TMEM117: variants seen among roughly 807,000 people sequenced by gnomAD.
TMEM117 encodes transmembrane protein 117.
In TMEM117, 27 loss-of-function variants were observed where a neutral mutation model predicts 52.4. That is an observed-to-expected ratio of 0.51 (90% CI 0.38 to 0.71). TMEM117 has a LOEUF of 0.71. Among genes scored for constraint, TMEM117 ranks in the 30% least tolerant of loss-of-function variants. TMEM117 has a pLI of 0.00. For missense variants in TMEM117, 556 were observed against 630.5 expected, an observed-to-expected ratio of 0.88 and a Z score of 1.26; for synonymous variants, 215 against 206.3, an observed-to-expected ratio of 1.04 and a Z score of -0.36.
the TMEM117 span, among the ~76,000 whole-genome samples, chr12:43,819,492 C>A: frequency 2.0e-5 from 3 of 152,058 alleles, no homozygotes; most frequent in Non-Finnish European, 4.4e-5. Context: ...TTGAAACAGG[C>A]GGCTGGGCGG....
intron 4 of TMEM117, among the ~76,000 whole-genome samples, chr12:44,200,661 A>G (rs1451884340): frequency 6.6e-6 from 1 of 152,206 alleles, no homozygotes; most frequent in Non-Finnish European, 1.5e-5. Flanking sequence ...AGACTAAGTG[A>G]CATATCTAAC....
chr12:44,196,111 A>G (rs891569172), intron 4 of TMEM117, among the ~76,000 whole-genome samples: 1 of 151,988 alleles, frequency 6.6e-6, no homozygotes, highest in Non-Finnish European at 1.5e-5. Context: ...TAAAAGAAAG[A>G]ATAAGTTGAC....
At chr12:44,263,731 T>C (rs1950346953) in intron 5 of TMEM117, 1 of 152,220 alleles carries the variant, frequency 6.6e-6, no homozygotes, top group African/African-American at 2.4e-5. Flanking sequence ...ATTTGATTGA[T>C]CTGCCATAAT....
chr12:43,907,035 T>C (rs1440743474), intron 2 of TMEM117, among the ~76,000 whole-genome samples: 1 of 152,206 alleles, frequency 6.6e-6, no homozygotes, highest in African/African-American at 2.4e-5. Context: ...GCTCCACCTG[T>C]GGGGGCAGGG....
chr12:43,880,969 G>C (rs535208646), intron 2 of TMEM117, among the ~76,000 whole-genome samples: 4 of 152,288 alleles, frequency 2.6e-5, no homozygotes, highest in East Asian at 3.9e-4. Context: ...TGTTACCTGT[G>C]ATTCAGAAAA....
intron 5 of TMEM117, among the ~76,000 whole-genome samples, chr12:44,264,812 A>AAAT (rs1007865146): frequency 6.6e-6 from 1 of 152,180 alleles, no homozygotes; most frequent in Non-Finnish European, 1.5e-5. Flanking sequence ...AATTGAAAAT[A>AAAT]AATAATAATA....
In TMEM117 at chr12:44,232,655, A is replaced by C. The variant is rs562949397; in HGVS notation, c.608+21268A>C. 9.2e-5 allele frequency among the ~76,000 whole-genome samples: 14 copies of C among 151,570 alleles called. No individual in the cohort carries two copies. In the South Asian group the frequency reaches 2.7e-3, roughly 29 times the overall value. Reference sequence around the variant, plus strand: ...ACAATAAAATTGGAATTTCGACTACAATTTTATTGAGACTATAGATCAATT... The same window carrying C: ...ACAATAAAATTGGAATTTCGACTACCATTTTATTGAGACTATAGATCAATT... On this transcript the variant is annotated intron_variant, in intron 5 of 7. Coordinates refer to ENST00000266534, the MANE Select transcript of TMEM117 (RefSeq NM_032256.3).
At chr12:43,965,112 A>G (rs1225069568) in intron 3 of TMEM117, among the ~76,000 whole-genome samples, 1 of 152,190 alleles carries the variant, frequency 6.6e-6, no homozygotes, top group Admixed American at 6.5e-5. Context: ...TATGCTAGTA[A>G]TGTTACAGTG....
At chr12:44,301,567 A>G (rs1950840426) in intron 6 of TMEM117, among the ~76,000 whole-genome samples, 2 of 152,210 alleles carry the variant, frequency 1.3e-5, no homozygotes, top group Admixed American at 1.3e-4. Flanking sequence ...GGAGGAATGT[A>G]TTGCTGCATT....
chr12:44,249,578 C>T (rs1266075837), intron 5 of TMEM117, among the ~76,000 whole-genome samples: 1 of 152,182 alleles, frequency 6.6e-6, no homozygotes, highest in African/African-American at 2.4e-5. Context: ...ATCACACTAC[C>T]TGGCTTCAAA....
In TMEM117 at chr12:44,355,196, C is replaced by G. The variant is rs137920912; in HGVS notation, c.769-21399C>G. On this transcript the variant is annotated intron_variant, in intron 6 of 7. Coordinates refer to ENST00000266534, the MANE Select transcript of TMEM117 (RefSeq NM_032256.3). ...CTTGTACAAGTTGGCCTTTTCAGCT[C>G]TATATATTTATTTAGAAATATATCT... Among the ~76,000 whole-genome samples, 19 of 152,038 alleles carry G rather than the reference C, an allele frequency of 1.2e-4. 1 individual carries two copies. In the East Asian group the frequency reaches 3.5e-3, roughly 28 times the overall value.
chr12:44,032,466 A>C (rs1021016921), intron 3 of TMEM117, among the ~76,000 whole-genome samples: 2 of 152,210 alleles, frequency 1.3e-5, no homozygotes, highest in Non-Finnish European at 2.9e-5. Context: ...GTAATGTAAA[A>C]ATCTGGATCA....
intron 6 of TMEM117, among the ~76,000 whole-genome samples, chr12:44,364,212 C>T (rs1303835101): frequency 2.6e-5 from 4 of 152,038 alleles, no homozygotes; most frequent in African/African-American, 7.2e-5. Flanking sequence ...TTAGTTTTTA[C>T]GATTGCTTCC....
rs189599308 is a variant in TMEM117, at chr12:43,989,532, T to A, written c.410+45190T>A. Among the ~76,000 whole-genome samples, 45 of 152,268 alleles carry A rather than the reference T, an allele frequency of 3.0e-4. No homozygotes were observed. The East Asian group carries it at 6.7e-3, about 23-fold the overall frequency. Reference sequence around the variant, plus strand: ...CTCTTTTTTCAAAGAATGGTTGATATCTGTGAAAGCAGAGTAACATTTGGA... The same window carrying A: ...CTCTTTTTTCAAAGAATGGTTGATAACTGTGAAAGCAGAGTAACATTTGGA... On this transcript the variant is annotated intron_variant, in intron 3 of 7. Coordinates refer to ENST00000266534, the MANE Select transcript of TMEM117 (RefSeq NM_032256.3).
chr12:44,127,409 G>T (rs918250096), intron 3 of TMEM117, among the ~76,000 whole-genome samples: 4 of 152,074 alleles, frequency 2.6e-5, no homozygotes, highest in African/African-American at 9.7e-5. Flanking sequence ...GGTCACGGTG[G>T]CGCGTGCCTG....
At chr12:44,090,078 T>C (rs540434712) in intron 3 of TMEM117, among the ~76,000 whole-genome samples, 1 of 152,318 alleles carries the variant, frequency 6.6e-6, no homozygotes, top group South Asian at 2.1e-4. Context: ...AAGACAACCA[T>C]AGCATTTTTT....
At chr12:43,867,927 T>C (rs759108431) in intron 2 of TMEM117, among the ~76,000 whole-genome samples, 8 of 152,204 alleles carry the variant, frequency 5.3e-5, no homozygotes, top group Non-Finnish European at 1.2e-4. Context: ...TGAGATCTGA[T>C]GTTCACAGAA....
intron 2 of TMEM117, among the ~76,000 whole-genome samples, chr12:43,898,775 A>C (rs932410597): frequency 1.3e-5 from 2 of 152,104 alleles, no homozygotes; most frequent in African/African-American, 4.8e-5. Flanking sequence ...TTGAAATTCA[A>C]CTCCTGAACT....
intron 5 of TMEM117, among the ~76,000 whole-genome samples, chr12:44,229,502 T>C (rs1592624606): frequency 6.6e-6 from 1 of 152,068 alleles, no homozygotes; most frequent in Admixed American, 6.6e-5. Context: ...TCCAGGTAAA[T>C]GTACCATGCT....
Sources: gnomAD v4.1 joint callset for allele counts (sites outside exome capture counted in the v4.1 genomes callset) on GRCh38, gnomAD v4.1.1 for gene constraint, MANE v1.5 for transcripts, NCBI Gene and HGNC (gene_info 2026-07-23, HGNC 2026-07-21) for gene names.